The following DPYD variants were observed in gnomAD, a reference collection of about 807,000 sequenced individuals.
DPYD encodes dihydropyrimidine dehydrogenase.
A neutral mutation model predicts 116.2 loss-of-function variants in DPYD; 109 were observed. The observed-to-expected ratio is 0.94, with a 90% CI of 0.80 to 1.10. The LOEUF (loss-of-function observed/expected upper bound fraction) is 1.10, where lower values mean the gene tolerates loss of function less well. DPYD is among the 50% of genes least tolerant of loss of function. DPYD has a pLI of 0.00. For synonymous variants in DPYD, 440 were observed against 432.0 expected (o/e 1.02, Z -0.23); for missense variants, 1,302 against 1,254.5 (o/e 1.04, Z -0.57).
chr1:97,696,489 A>T (rs1481956588), intron 6 of DPYD, among the ~76,000 whole-genome samples: 1 of 152,172 alleles, frequency 6.6e-6, no homozygotes, highest in Non-Finnish European at 1.5e-5. Context: ...CTGCATGGTG[A>T]GAAAGGAGAT....
At chr1:97,224,419 T>C (rs1660979882) in intron 19 of DPYD, among the ~76,000 whole-genome samples, 1 of 152,202 alleles carries the variant, frequency 6.6e-6, no homozygotes, top group Non-Finnish European at 1.5e-5. Flanking sequence ...TACTGCATGA[T>C]GTTTTGTTAT....
At chr1:97,640,258 C>A (rs550213034) in intron 8 of DPYD, among the ~76,000 whole-genome samples, 1 of 151,900 alleles carries the variant, frequency 6.6e-6, no homozygotes, top group Non-Finnish European at 1.5e-5. Flanking sequence ...TTTATTATTG[C>A]TTCCAGCTTC....
chr1:97,364,445 T>C (rs531603331), intron 16 of DPYD, among the ~76,000 whole-genome samples: 3 of 152,102 alleles, frequency 2.0e-5, no homozygotes, highest in African/African-American at 7.2e-5. Flanking sequence ...AATAAATAAA[T>C]AACATGAGGA....
At chr1:97,505,753 T>C (rs1463476849) in intron 13 of DPYD, among the ~76,000 whole-genome samples, 6 of 151,978 alleles carry the variant, frequency 3.9e-5, no homozygotes, top group Admixed American at 2.0e-4. Flanking sequence ...CTTGCCCAGA[T>C]ACCTAAAAAT....
chr1:97,477,822 T>C (rs1024893164), intron 13 of DPYD, among the ~76,000 whole-genome samples: 1 of 151,694 alleles, frequency 6.6e-6, no homozygotes, highest in Non-Finnish European at 1.5e-5. Context: ...GGGTTTCACC[T>C]TGTTAGCCAG....
chr1:97,129,631 A>G (rs549720817), intron 20 of DPYD, among the ~76,000 whole-genome samples: 2 of 151,868 alleles, frequency 1.3e-5, no homozygotes, highest in South Asian at 2.1e-4. Context: ...CCTTGAACTG[A>G]TCTCACATGG....
chr1:97,450,648 T>A (rs541309713), intron 13 of DPYD, among the ~76,000 whole-genome samples: 3 of 151,502 alleles, frequency 2.0e-5, no homozygotes, highest in African/African-American at 7.3e-5. Context: ...AAGTTTATAT[T>A]TTTTTTTTCT....
At chr1:97,503,446 T>C (rs1345275087) in intron 13 of DPYD, among the ~76,000 whole-genome samples, 9 of 152,034 alleles carry the variant, frequency 5.9e-5, no homozygotes, top group African/African-American at 2.2e-4. Flanking sequence ...GCAGCCATGC[T>C]TCCTGTGGCT....
intron 5 of DPYD, chr1:97,720,853 C>CA: frequency 6.2e-7 from 1 of 1,605,378 alleles, no homozygotes; most frequent in African/African-American, 1.3e-5. Context: ...TAGGAGACGT[C>CA]AGAGAGCCCA....
In DPYD at chr1:97,407,633, G is replaced by A. The variant is rs543448571; in HGVS notation, c.1906-25172C>T. Among the ~76,000 whole-genome samples the A allele has an allele frequency of 7.1e-4, 108 of 152,186 alleles. 1 individual carries two copies. Among genetic ancestry groups the A allele is most frequent in the African/African-American group, 2.5e-3 (105 of 41,536 alleles). On this transcript the variant is annotated intron_variant, in intron 14 of 22. Transcript: ENST00000370192. ...GGTGACAAAGCTTTACAGGGCTGGG[G>A]CAAAGTTCTCCAGAAGGCTGTGTAT...
At chr1:97,717,154 A>G (rs1256837347) in intron 5 of DPYD, among the ~76,000 whole-genome samples, 3 of 152,108 alleles carry the variant, frequency 2.0e-5, no homozygotes, top group Non-Finnish European at 1.5e-5. Context: ...TCTACTGTTC[A>G]GTAGCACAAT....
intron 14 of DPYD, among the ~76,000 whole-genome samples, chr1:97,415,892 C>G (rs1674262522): frequency 6.6e-6 from 1 of 151,978 alleles, no homozygotes; most frequent in Non-Finnish European, 1.5e-5. Flanking sequence ...TCCTGTCTTC[C>G]CAAGAAGTTT....
chr1:97,751,452 GTGTGTGTGTATATATATATATATATA>G (rs1236467997), intron 3 of DPYD, among the ~76,000 whole-genome samples: 7 of 33,136 alleles, frequency 2.1e-4, no homozygotes, highest in Admixed American at 8.7e-4. Context: ...GTGTGTGTGT[GTGTGTGTGTATATATATATATATATA>G]TATATATATA....
At chr1:97,615,508 C>T (rs757309023) in intron 8 of DPYD, among the ~76,000 whole-genome samples, 2 of 152,088 alleles carry the variant, frequency 1.3e-5, no homozygotes, top group Non-Finnish European at 2.9e-5. Context: ...TACACAACTC[C>T]CTCTCCATCA....
intron 14 of DPYD, 70 bp downstream of exon 14, chr1:97,449,989 A>G: frequency 6.4e-7 from 1 of 1,570,098 alleles, no homozygotes; most frequent in Non-Finnish European, 8.8e-7. Flanking sequence ...AAGCCTATGA[A>G]TTGGATGTTT....
At chr1:97,327,128 T>C (rs1376933651) in intron 16 of DPYD, among the ~76,000 whole-genome samples, 1 of 151,992 alleles carries the variant, frequency 6.6e-6, no homozygotes, top group Non-Finnish European at 1.5e-5. Flanking sequence ...CTGAAGAAGT[T>C]CCCAGACAAT....
chr1:97,900,839 G>A (rs1204744716), intron 1 of DPYD, among the ~76,000 whole-genome samples: 1 of 151,642 alleles, frequency 6.6e-6, no homozygotes, highest in South Asian at 2.1e-4. Context: ...CTATCAAGCC[G>A]CAGTAGATAA....
intron 5 of DPYD, among the ~76,000 whole-genome samples, chr1:97,717,666 A>G (rs1662688023): frequency 6.6e-6 from 1 of 152,100 alleles, no homozygotes; most frequent in Admixed American, 6.6e-5. Flanking sequence ...CTCACAAGTC[A>G]GCTCCCACTT....
intron 6 of DPYD, 79 bp from the exon 7 acceptor site, chr1:97,691,877 T>G: frequency 9.1e-7 from 1 of 1,102,594 alleles, no homozygotes; most frequent in Non-Finnish European, 1.4e-6. Context: ...AAAGGTAACA[T>G]GTCTTTATGG....
Sources: gnomAD v4.1 joint callset for allele counts (sites outside exome capture counted in the v4.1 genomes callset) on GRCh38, gnomAD v4.1.1 for gene constraint, MANE v1.5 for transcripts, NCBI Gene and HGNC (gene_info 2026-07-23, HGNC 2026-07-21) for gene names.